Variants in DNAL1 observed in about 807,000 individuals in gnomAD.
The protein encoded by DNAL1 is dynein axonemal light chain 1.
A neutral mutation model predicts 29.4 loss-of-function variants in DNAL1; 17 were observed. That is an observed-to-expected ratio of 0.58 (90% CI 0.40 to 0.87). The LOEUF (loss-of-function observed/expected upper bound fraction) is 0.87, where lower values mean the gene tolerates loss of function less well. Ranked by LOEUF, DNAL1 falls within the 40% of genes least tolerant of loss-of-function variation. DNAL1 has a pLI of 0.00. For missense variants in DNAL1, 188 were observed against 214.1 expected (o/e 0.88, Z 0.76); for synonymous variants, 78 against 76.3 (o/e 1.02, Z -0.12).
rs1892462054 is a variant in DNAL1 at position 73,702,493 on chromosome 14, A to G, written c.*6551A>G. Reference sequence around the variant, plus strand: ...TTTTCTTAGTAGGTTTTTTTCTCCCAGGCTTGTAACTCTTCCCCAGTTCTT... The same window carrying G: ...TTTTCTTAGTAGGTTTTTTTCTCCCGGGCTTGTAACTCTTCCCCAGTTCTT... On this transcript the variant is annotated 3_prime_UTR_variant, in exon 8 of 8. Coordinates refer to ENST00000553645, the MANE Select transcript of DNAL1 (RefSeq NM_031427.4). The G allele has an allele frequency of 6.6e-6, 1 of 151,722 alleles. No homozygotes were observed. Among genetic ancestry groups the G allele is most frequent in the Non-Finnish European group, 1.5e-5 (1 of 67,918 alleles). 9.4% of individuals were successfully genotyped at this position (151,722 alleles called of 1,614,324 possible). A position where few individuals can be genotyped will look rare whatever the true frequency, so the allele number is the denominator to read the frequency against.
chr14:73,684,352 T>C lies in DNAL1; in HGVS notation c.265-2907T>C, dbSNP rs57594090. 3.0e-4 allele frequency among the ~76,000 whole-genome samples: 46 copies of C among 152,326 alleles called. No homozygotes were observed. The East Asian group carries it at 8.9e-3, about 29-fold the overall frequency. On this transcript the variant is annotated intron_variant, in intron 5 of 7. Transcript: ENST00000553645. ...GCTGAATCATATGGTAGTTCTATTTTTAATTTCCTGGGTAATTTATAGTTT... is the reference window on the plus strand; with the variant it reads ...GCTGAATCATATGGTAGTTCTATTTCTAATTTCCTGGGTAATTTATAGTTT...
intron 4 of DNAL1, among the ~76,000 whole-genome samples, chr14:73,666,386 A>C (rs141274304): frequency 3.5e-4 from 54 of 152,272 alleles, no homozygotes; most frequent in Admixed American, 2.6e-4. Context: ...TTAGAAAATA[A>C]ATTTTGTTGC....
chr14:73,694,013 T>G (rs1030016536), intron 7 of DNAL1, among the ~76,000 whole-genome samples: 8 of 152,062 alleles, frequency 5.3e-5, no homozygotes, highest in Non-Finnish European at 1.2e-4. Flanking sequence ...AAAGAACATG[T>G]CCCTCTTGGA....
In DNAL1 at chr14:73,645,059, C is replaced by G; in HGVS notation, c.3+17C>G. ...GCCGGAATGGTGAGTACCTTTCGGG[C>G]CGCGTAGCCAAAGCTGAGAGAAGAT... On this transcript the variant is annotated intron_variant, in intron 1 of 7. Coordinates refer to ENST00000553645, the MANE Select transcript of DNAL1 (RefSeq NM_031427.4). 6.2e-7 allele frequency: 1 copy of G among 1,607,504 alleles called. No individual in the cohort carries two copies. The highest frequency in any genetic ancestry group is 8.5e-7 in the Non-Finnish European group (1 of 1,177,394).
intron 3 of DNAL1, among the ~76,000 whole-genome samples, chr14:73,660,229 C>T (rs1032313488): frequency 2.0e-5 from 3 of 152,198 alleles, no homozygotes; most frequent in Non-Finnish European, 4.4e-5. Context: ...TGTGCCTGGC[C>T]TACTTATTTT....
At chr14:73,661,944 A>G in intron 3 of DNAL1, 43 bp from the exon 4 acceptor site, 4 of 1,346,380 alleles carry the variant, frequency 3.0e-6, no homozygotes, top group Non-Finnish European at 4.1e-6. Context: ...CTGATTTACC[A>G]TTTACATTTT....
intron 1 of DNAL1, among the ~76,000 whole-genome samples, chr14:73,654,313 A>AT (rs1033671881): frequency 1.3e-5 from 2 of 152,156 alleles, no homozygotes; most frequent in Non-Finnish European, 2.9e-5. Context: ...TGATTTCCTT[A>AT]TTTTTTCTCA....
chr14:73,678,397 C>T (rs1247880407), intron 5 of DNAL1, among the ~76,000 whole-genome samples: 2 of 151,606 alleles, frequency 1.3e-5, no homozygotes, highest in African/African-American at 2.4e-5. Context: ...ATAGTAGGCT[C>T]TTTACATGCA....
intron 1 of DNAL1, among the ~76,000 whole-genome samples, chr14:73,652,227 T>C (rs536647868): frequency 6.6e-6 from 1 of 151,892 alleles, no homozygotes; most frequent in Admixed American, 6.6e-5. Context: ...CTAATATTTG[T>C]ATTTTTTTGT....
rs1892373063 is a variant in DNAL1, at chr14:73,699,270, A to C, written c.*3328A>C. 1.3e-5 allele frequency: 2 copies of C among 151,798 alleles called. No homozygotes were observed. The highest frequency in any genetic ancestry group is 4.8e-5 in the African/African-American group (2 of 41,306). 9.4% of individuals were successfully genotyped at this position (151,798 alleles called of 1,614,324 possible). On this transcript the variant is annotated 3_prime_UTR_variant, in exon 8 of 8. Coordinates refer to ENST00000553645, the MANE Select transcript of DNAL1 (RefSeq NM_031427.4). ...AAGGTGATGTATTCAGTAATCATGGATGGAAAGAAATGGTCACTGGTATTT... is the reference window on the plus strand; with the variant it reads ...AAGGTGATGTATTCAGTAATCATGGCTGGAAAGAAATGGTCACTGGTATTT...
chr14:73,664,076 C>A (rs1470704990), intron 4 of DNAL1, among the ~76,000 whole-genome samples: 1 of 152,138 alleles, frequency 6.6e-6, no homozygotes, highest in East Asian at 1.9e-4. Context: ...AAGAAACTTT[C>A]CTGGGAGCCC....
chr14:73,674,726 A>G (rs7140570), intron 5 of DNAL1, among the ~76,000 whole-genome samples: 106,999 of 152,016 alleles, frequency 0.7, 39,528 homozygotes, highest in African/African-American at 0.92. Flanking sequence ...ATTTTTTGTA[A>G]AGACAGGGTC....
intron 4 of DNAL1, among the ~76,000 whole-genome samples, chr14:73,670,383 G>A (rs1891591251): frequency 6.6e-6 from 1 of 152,182 alleles, no homozygotes; most frequent in Non-Finnish European, 1.5e-5. Flanking sequence ...CATGTGGCTA[G>A]TGACCACCAT....
chr14:73,656,735 T>G (rs1332702670), intron 2 of DNAL1, among the ~76,000 whole-genome samples: 3 of 151,590 alleles, frequency 2.0e-5, no homozygotes, highest in Non-Finnish European at 4.4e-5. Flanking sequence ...CCATGCATTT[T>G]TGACTTTAAG....
At position 73,676,093 on chromosome 14, in the gene DNAL1, G is replaced by T. The variant is rs116677887; in HGVS notation, c.264+4496G>T. Among the ~76,000 whole-genome samples, 1,212 of 151,358 alleles carry T rather than the reference G, an allele frequency of 8.0e-3. 22 individuals carry two copies. The highest frequency in any genetic ancestry group is 0.028 in the African/African-American group (1,149 of 41,254). ...AGTCAAAATTTTAATTCTAGGCCAG[G>T]CGTGGTGGCACGTACCTGTAATCCC... is the stretch of plus-strand genomic sequence containing the variant. On this transcript the variant is annotated intron_variant, in intron 5 of 7. Transcript: ENST00000553645.
intron 5 of DNAL1, among the ~76,000 whole-genome samples, chr14:73,675,863 A>T (rs1471021313): frequency 2.0e-5 from 3 of 151,840 alleles, no homozygotes; most frequent in Non-Finnish European, 4.4e-5. Context: ...AAAAATACAA[A>T]AATTAGCCAG....
chr14:73,652,025 TG>T (rs1891124147), intron 1 of DNAL1, among the ~76,000 whole-genome samples: 1 of 152,030 alleles, frequency 6.6e-6, no homozygotes, highest in South Asian at 2.1e-4. Context: ...TCTGTATATG[TG>T]TATGTGTGGT....
Position 73,692,840 on chromosome 14 carries a change from CT to C in DNAL1, c.533-3048del, listed in dbSNP as rs71112797. The stretch of plus-strand genomic sequence containing the variant: ...TTGCTCATAAGCAAAACTGAGGGAT[CT>C]TTTTTTTTTTTTTGAATCGGAGTCT... On this transcript the variant is annotated intron_variant, in intron 7 of 7. Transcript: ENST00000553645. Among the ~76,000 whole-genome samples the C allele has an allele frequency of 3.2e-3, 463 of 142,664 alleles. 1 individual carries two copies. The highest frequency in any genetic ancestry group is 3.6e-3 in the Middle Eastern group (1 of 278). 93.6% of individuals were successfully genotyped at this position (142,664 alleles called of 152,430 possible).
chr14:73,671,671 T>G lies in DNAL1; in HGVS notation c.264+74T>G, dbSNP rs1410219771. On this transcript the variant is annotated intron_variant, in intron 5 of 7. Coordinates refer to ENST00000553645, the MANE Select transcript of DNAL1 (RefSeq NM_031427.4). ...ATGAATAATTTCTTGGATAAATTCC[T>G]TGAAATGGAATTACTAGGTCAAAAG... The G allele has an allele frequency of 2.3e-6, 3 of 1,314,582 alleles. No individual in the cohort carries two copies. The African/African-American group carries it at 4.7e-5, about 20-fold the overall frequency. 81.4% of individuals were successfully genotyped at this position (1,314,582 alleles called of 1,614,324 possible). A position where few individuals can be genotyped will look rare whatever the true frequency, so the allele number is the denominator to read the frequency against.
Sources: gnomAD v4.1 joint callset for allele counts (sites outside exome capture counted in the v4.1 genomes callset) on GRCh38, gnomAD v4.1.1 for gene constraint, MANE v1.5 for transcripts, NCBI Gene and HGNC (gene_info 2026-07-23, HGNC 2026-07-21) for gene names.